The following LGMN variants were observed in gnomAD, a reference collection of about 807,000 sequenced individuals.
LGMN encodes the protein asparaginyl endopeptidase.
A neutral mutation model predicts 56.8 loss-of-function variants in LGMN; 36 were observed. That is an observed-to-expected ratio of 0.63 (90% confidence interval 0.49 to 0.84). The LOEUF is 0.84. LGMN is among the 40% of genes least tolerant of loss of function. The pLI is 0.00. For synonymous variants in LGMN, 199 were observed against 210.1 expected (o/e 0.95, Z 0.46); for missense variants, 446 against 556.1 (o/e 0.80, Z 1.99).
At chr14:92,735,283 T>C (rs1419174908) in intron 1 of LGMN, among the ~76,000 whole-genome samples, 1 of 152,146 alleles carries the variant, frequency 6.6e-6, no homozygotes, top group Non-Finnish European at 1.5e-5. Flanking sequence ...CTCAGCTCAC[T>C]GCAACCTCCG....
At chr14:92,719,281 G>GCCACCA (rs1392314026) in intron 2 of LGMN, among the ~76,000 whole-genome samples, 2 of 18,106 alleles carry the variant, frequency 1.1e-4, no homozygotes, top group African/African-American at 2.5e-4. Flanking sequence ...CGCCGCCACC[G>GCCACCA]CCGCCGCCGC....
chr14:92,727,649 G>T (rs1475549444), intron 2 of LGMN, among the ~76,000 whole-genome samples: 1 of 152,034 alleles, frequency 6.6e-6, no homozygotes, highest in Non-Finnish European at 1.5e-5. Flanking sequence ...AGCTTCTGTG[G>T]AAATCCCGTC....
At position 92,717,447 on chromosome 14, in the gene LGMN, C is replaced by T; in HGVS notation, c.251G>A (p.Gly84Glu). The T allele has an allele frequency of 6.2e-7, 1 of 1,612,978 alleles. No individual in the cohort carries two copies. Among genetic ancestry groups the T allele is most frequent in the Non-Finnish European group, 8.5e-7 (1 of 1,179,038 alleles). The change falls in exon 4 of 14, where the codon GGA becomes GAA. Residue 84 changes from glycine (G) to glutamate (E), a missense_variant. Coordinates refer to ENST00000334869, the MANE Select transcript of LGMN (RefSeq NM_005606.7). ...GCCATTGGGCCTGTTGATCACAATT[C>T]CTGGAGTGGGATTGCTGAAAATTAA... ...IAYSEDNPTP[G>E]IVINRPNGTD... is the part of the protein sequence containing the mutation.
chr14:92,720,189 A>AT, intron 2 of LGMN, among the ~76,000 whole-genome samples: 1 of 152,228 alleles, frequency 6.6e-6, no homozygotes, highest in Non-Finnish European at 1.5e-5. Flanking sequence ...ATAGGAAAAC[A>AT]TTTTTATTGA....
intron 3 of LGMN, among the ~76,000 whole-genome samples, chr14:92,718,159 T>C (rs1488100801): frequency 6.6e-6 from 1 of 152,196 alleles, no homozygotes; most frequent in Non-Finnish European, 1.5e-5. Context: ...GCAAGCACCA[T>C]AGAATCCAAC....
intron 2 of LGMN, among the ~76,000 whole-genome samples, chr14:92,722,276 T>A (rs555980929): frequency 6.6e-6 from 1 of 152,202 alleles, no homozygotes; most frequent in Admixed American, 6.5e-5. Flanking sequence ...CCATTTAATT[T>A]AAAAATGAAG....
At chr14:92,709,915 A>T (rs1253558640) in intron 10 of LGMN, 43 bp from the exon 11 acceptor site, 1 of 1,494,966 alleles carries the variant, frequency 6.7e-7, no homozygotes, top group East Asian at 2.3e-5. Flanking sequence ...AGAAAGCGAG[A>T]GAGAGTGAGA....
intron 2 of LGMN, among the ~76,000 whole-genome samples, chr14:92,729,417 C>G (rs991060977): frequency 6.9e-6 from 1 of 144,674 alleles, no homozygotes; most frequent in African/African-American, 2.6e-5. Flanking sequence ...TTACTCACCC[C>G]ATGCTCAGGA....
At chr14:92,721,649 A>G (rs1301184184) in intron 2 of LGMN, among the ~76,000 whole-genome samples, 2 of 152,218 alleles carry the variant, frequency 1.3e-5, no homozygotes, top group African/African-American at 4.8e-5. Context: ...ACTCCTAGCC[A>G]TATAGCCTAG....
chr14:92,734,537 G>A (rs941257003), intron 1 of LGMN, among the ~76,000 whole-genome samples: 1 of 152,084 alleles, frequency 6.6e-6, no homozygotes, highest in Admixed American at 6.5e-5. Context: ...CTACTCAGGA[G>A]GCTGAAGCAG....
intron 2 of LGMN, among the ~76,000 whole-genome samples, chr14:92,719,158 G>GCCACCA (rs71123370): frequency 5.2e-5 from 5 of 96,318 alleles, no homozygotes; most frequent in African/African-American, 8.9e-5. Context: ...CACCGCCACT[G>GCCACCA]CCACCACCAC....
chr14:92,708,856 CAAAAAA>C (rs58813848), intron 11 of LGMN, among the ~76,000 whole-genome samples: 42 of 71,626 alleles, frequency 5.9e-4, no homozygotes, highest in African/African-American at 8.2e-4. Flanking sequence ...ACTCTTGTCT[CAAAAAA>C]AAAAAAAAAA....
At chr14:92,729,467 G>GCCACC (rs1890921334) in intron 2 of LGMN, among the ~76,000 whole-genome samples, 1 of 25,408 alleles carries the variant, frequency 3.9e-5, no homozygotes, top group East Asian at 1.5e-3. Flanking sequence ...CTCAGATCAC[G>GCCACC]CCCCCCCCCC....
chr14:92,734,807 A>G (rs1206294854), intron 1 of LGMN, among the ~76,000 whole-genome samples: 3 of 152,188 alleles, frequency 2.0e-5, no homozygotes, highest in African/African-American at 4.8e-5. Context: ...GTGGGGACTC[A>G]GGGCGGCAGA....
chr14:92,717,710 G>C (rs908712403), intron 3 of LGMN, among the ~76,000 whole-genome samples: 1 of 152,218 alleles, frequency 6.6e-6, no homozygotes, highest in African/African-American at 2.4e-5. Flanking sequence ...AGGGACCAAA[G>C]CATAGGTGCG....
intron 1 of LGMN, among the ~76,000 whole-genome samples, chr14:92,740,590 C>T (rs540026141): frequency 7.2e-5 from 11 of 152,328 alleles, no homozygotes; most frequent in African/African-American, 2.6e-4. Context: ...GAACCACAGG[C>T]ACTGCACCCT....
intron 2 of LGMN, among the ~76,000 whole-genome samples, chr14:92,728,952 C>T (rs745548099): frequency 9.9e-5 from 15 of 152,092 alleles, no homozygotes; most frequent in African/African-American, 1.9e-4. Flanking sequence ...ACACAGGAAG[C>T]GCTTAGTCAA....
Position 92,714,418 on chromosome 14 carries a change from A to G in LGMN, c.438T>C (p.Thr146=), listed in dbSNP as rs759474218. 6.2e-7 allele frequency: 1 copy of G among 1,612,610 alleles called. No homozygotes were observed. Among genetic ancestry groups the G allele is most frequent in the South Asian group, 1.1e-5 (1 of 91,012 alleles). The change falls in exon 6 of 14, where the codon ACT becomes ACC. Residue 146 remains threonine, a synonymous_variant. Coordinates refer to ENST00000334869, the MANE Select transcript of LGMN (RefSeq NM_005606.7). This position sits in a 1 kb window ranked among gnomAD's most constrained non-coding sequence, Gnocchi z 5.1. ...CCAGTATTCCAGTAGATCCATGGTC[A>G]GTGAAGTAAATGAACACGTGATCCT... ...GPQDHVFIYF[T]DHGSTGILVF...
At chr14:92,730,933 C>CA (rs111868362) in intron 2 of LGMN, among the ~76,000 whole-genome samples, 104 of 114,764 alleles carry the variant, frequency 9.1e-4, no homozygotes, top group South Asian at 1.8e-3. Flanking sequence ...CTGTCTCAAC[C>CA]AAAAAAAAAA....
Sources: allele counts gnomAD v4.1 joint callset (sites outside exome capture counted in the v4.1 genomes callset), GRCh38; gene constraint gnomAD v4.1.1; non-coding constraint Gnocchi (gnomAD v3.1); transcripts MANE v1.5; gene names NCBI Gene and HGNC (gene_info 2026-07-23, HGNC 2026-07-21).